The following IRF8 variants were observed in gnomAD, a reference collection of about 807,000 sequenced individuals.
IRF8 encodes interferon regulatory factor 8, also known as interferon consensus sequence binding protein 1.
In IRF8, 14 loss-of-function variants were observed where a neutral mutation model predicts 48.7. The ratio of observed to expected loss-of-function variants is 0.29; its 90% CI spans 0.19 to 0.45. IRF8 has a LOEUF of 0.45. IRF8 is among the 20% of genes least tolerant of loss of function. The probability of loss-of-function intolerance (pLI) is 1.00; values close to 1 mark genes in which losing one functional copy is unlikely to be tolerated. For missense variants in IRF8, 493 were observed against 580.7 expected (o/e 0.85, Z 1.55); for synonymous variants, 278 against 227.3 (o/e 1.22, Z -2.01).
chr16:85,921,329 C>T lies in IRF8; in HGVS notation c.*47C>T, dbSNP rs752783266. 4.4e-6 allele frequency: 7 copies of T among 1,587,028 alleles called. No homozygotes were observed. In the East Asian group the frequency reaches 8.9e-5, roughly 20 times the overall value. ...CCCCGTCTGCGTCCTGCATCCATCT[C>T]CCTGTTACAGTGGCCCGCATCATGA... On this transcript the variant is annotated 3_prime_UTR_variant, in exon 9 of 9. Transcript: ENST00000268638.
Position 85,918,741 on chromosome 16 carries a change from G to A in IRF8, c.926G>A (p.Arg309Lys). 1 of 1,612,554 alleles carries A rather than the reference G, an allele frequency of 6.2e-7. No homozygotes were observed. Among genetic ancestry groups the A allele is most frequent in the Middle Eastern group, 1.6e-4 (1 of 6,062 alleles). ...CSGNAVVCKG[R>K]PNKLERDEVV... ...GGCAACGCCGTGGTGTGCAAAGGCA[G>A]GCCCAACAAGCTGGAGCGTGATGAG... is the stretch of plus-strand genomic sequence containing the variant. Residue 309 changes from arginine to lysine, a missense_variant, in exon 7 of 9, where the codon AGG (arginine) becomes AAG (lysine). Physicochemically the swap from Arg to Lys is conservative, Grantham distance 26. Transcript: ENST00000268638.
At chr16:85,919,324 C>G (rs938464857) in intron 7 of IRF8, among the ~76,000 whole-genome samples, 2 of 152,136 alleles carry the variant, frequency 1.3e-5, no homozygotes, top group African/African-American at 2.4e-5. Context: ...GTGTAGGATA[C>G]CAGCCTGGGT....
At position 85,921,232 on chromosome 16, in the gene IRF8, G is replaced by T. The variant is rs1310710585; in HGVS notation, c.1231G>T (p.Ala411Ser). 6.2e-7 allele frequency: 1 copy of T among 1,614,160 alleles called. No homozygotes were observed. The highest frequency in any genetic ancestry group is 8.5e-7 in the Non-Finnish European group (1 of 1,180,048). Reference protein sequence around the residue: ...QVFRMFPDICASHQRSFFREN... With the variant: ...QVFRMFPDICSSHQRSFFREN... ...CTTCCGGATGTTTCCAGATATTTGT[G>T]CCTCACACCAGAGATCATTTTTCAG... The change falls in exon 9 of 9, where the codon GCC (alanine) becomes TCC (serine). Residue 411 changes from alanine to serine, a missense_variant. Physicochemically the swap from Ala to Ser is moderately conservative, Grantham distance 99 (BLOSUM62 1). Around this residue, in one of 3 missense-constraint regions of IRF8, gnomAD observed 408 missense variants for 449.6 expected, o/e 0.91. Coordinates refer to ENST00000268638, the MANE Select transcript of IRF8 (RefSeq NM_002163.4).
chr16:85,913,385 G>T, intron 5 of IRF8, 149 bp downstream of exon 5: 1 of 675,620 alleles, frequency 1.5e-6, no homozygotes, highest in South Asian at 1.6e-5. Flanking sequence ...AAGAACGATG[G>T]CCCTGGTTTC....
intron 8 of IRF8, 30 bp downstream of exon 8, chr16:85,920,254 T>TC (rs1439811036): frequency 7.4e-7 from 1 of 1,347,500 alleles, no homozygotes; most frequent in East Asian, 2.5e-5. Flanking sequence ...TTTTTTTTTT[T>TC]TTTTTTTTTT....
intron 3 of IRF8, chr16:85,909,413 T>A: frequency 1.9e-6 from 1 of 539,528 alleles, no homozygotes; most frequent in Non-Finnish European, 3.3e-6. Flanking sequence ...CCACAGACAT[T>A]TGTAGGGCCT....
intron 1 of IRF8, among the ~76,000 whole-genome samples, chr16:85,900,002 G>A (rs968268783): frequency 6.6e-5 from 10 of 152,116 alleles, no homozygotes; most frequent in African/African-American, 2.2e-4. Flanking sequence ...TTAAACCAAA[G>A]GTAAGAACTG....
intron 3 of IRF8, among the ~76,000 whole-genome samples, chr16:85,911,074 G>T (rs547011162): frequency 2.0e-5 from 3 of 152,294 alleles, no homozygotes; most frequent in South Asian, 4.2e-4. Context: ...CGGTGTGTGT[G>T]TGTGCATGGC....
At chr16:85,911,417 G>A (rs2152101439) in intron 3 of IRF8, among the ~76,000 whole-genome samples, 153 bp from the exon 4 acceptor site, 1 of 152,282 alleles carries the variant, frequency 6.6e-6, no homozygotes, top group Non-Finnish European at 1.5e-5. Context: ...ACTGAAGCAT[G>A]GGAAAAAAAT....
At chr16:85,914,087 A>G (rs867750309) in intron 5 of IRF8, 11 of 310,846 alleles carry the variant, frequency 3.5e-5, no homozygotes, top group African/African-American at 1.9e-4. Context: ...CAGGAACACC[A>G]TCCGGAAAGC....
chr16:85,900,667 G>A (rs755812788), intron 1 of IRF8, among the ~76,000 whole-genome samples: 2 of 152,224 alleles, frequency 1.3e-5, no homozygotes, highest in Admixed American at 6.5e-5. Flanking sequence ...GGTATTTGCC[G>A]TGCCTCTCTG....
chr16:85,905,633 G>A (rs1904976415), intron 2 of IRF8, among the ~76,000 whole-genome samples: 2 of 152,270 alleles, frequency 1.3e-5, no homozygotes, highest in East Asian at 3.9e-4. Context: ...GCTTCCCTGA[G>A]CTATGCTTCT....
chr16:85,905,444 C>T (rs916091934), intron 2 of IRF8, among the ~76,000 whole-genome samples: 2 of 152,246 alleles, frequency 1.3e-5, no homozygotes, highest in African/African-American at 2.4e-5. Flanking sequence ...GAAAAATGTG[C>T]AAGATTCCCA....
intron 6 of IRF8, among the ~76,000 whole-genome samples, chr16:85,916,304 C>T (rs572029168): frequency 6.6e-5 from 10 of 152,306 alleles, no homozygotes; most frequent in East Asian, 1.9e-4. Context: ...GGGCTGGGAC[C>T]GCACGTCAGG....
At chr16:85,901,137 C>G (rs1904814904) in intron 1 of IRF8, 2 of 152,194 alleles carry the variant, frequency 1.3e-5, no homozygotes, top group South Asian at 4.2e-4. Flanking sequence ...TATTGGTGTT[C>G]CATTTCTCTT....
chr16:85,900,181 C>T (rs903740969), intron 1 of IRF8, among the ~76,000 whole-genome samples: 6 of 152,128 alleles, frequency 3.9e-5, no homozygotes, highest in African/African-American at 1.4e-4. Context: ...AGCGAGTGCC[C>T]TGGGCCCTCC....
At chr16:85,903,456 T>C in intron 2 of IRF8, 1 of 459,858 alleles carries the variant, frequency 2.2e-6, no homozygotes, top group East Asian at 4.4e-5. Flanking sequence ...TGCTGCTTCC[T>C]TTTCCTGATG....
At chr16:85,909,230 C>A in intron 3 of IRF8, 57 bp downstream of exon 3, 1 of 1,465,574 alleles carries the variant, frequency 6.8e-7, no homozygotes, top group Non-Finnish European at 9.5e-7. Context: ...CTGTAGCCTT[C>A]ACCACAGAAC....
chr16:85,907,542 G>T (rs1905039904), intron 2 of IRF8, among the ~76,000 whole-genome samples: 1 of 152,160 alleles, frequency 6.6e-6, no homozygotes, highest in Non-Finnish European at 1.5e-5. Flanking sequence ...GCTGGGTATG[G>T]TGGTGCACAC....
Sources: allele counts gnomAD v4.1 joint callset (sites outside exome capture counted in the v4.1 genomes callset), GRCh38; gene constraint gnomAD v4.1.1; regional missense constraint gnomAD v4.1.1; transcripts MANE v1.5; gene names NCBI Gene and HGNC (gene_info 2026-07-23, HGNC 2026-07-21).